The following LRRC4C variants were observed in gnomAD, a reference collection of about 807,000 sequenced individuals.
The protein encoded by LRRC4C is leucine rich repeat containing 4C.
A neutral mutation model predicts 33.6 loss-of-function variants in LRRC4C; 5 were observed. That is an observed-to-expected ratio of 0.15 (90% CI 0.08 to 0.31). The LOEUF is 0.31. LRRC4C is among the 10% of genes least tolerant of loss of function. LRRC4C has a pLI of 1.00. For synonymous variants in LRRC4C, 329 were observed against 302.0 expected (o/e 1.09, Z -0.93); for missense variants, 560 against 796.7 (o/e 0.70, Z 3.58).
At chr11:40,300,393 G>A (rs1282915431) in intron 4 of LRRC4C, among the ~76,000 whole-genome samples, 1 of 152,166 alleles carries the variant, frequency 6.6e-6, no homozygotes, top group Admixed American at 6.5e-5. Context: ...GCAGCCAGAG[G>A]ACAAAGAACA....
intron 2 of LRRC4C, among the ~76,000 whole-genome samples, chr11:40,907,353 T>A (rs993872131): frequency 6.6e-6 from 1 of 152,314 alleles, no homozygotes; most frequent in Non-Finnish European, 1.5e-5. Context: ...GAGGATGCTG[T>A]CAGCATTTTT....
chr11:40,440,208 G>A (rs1228648369), intron 3 of LRRC4C, among the ~76,000 whole-genome samples: 3 of 151,780 alleles, frequency 2.0e-5, no homozygotes, highest in Admixed American at 2.0e-4. Context: ...CTGGCATAGA[G>A]TAGATGCTGA....
At chr11:41,338,892 T>A (rs1280760373) in intron 1 of LRRC4C, among the ~76,000 whole-genome samples, 1 of 152,020 alleles carries the variant, frequency 6.6e-6, no homozygotes, top group Non-Finnish European at 1.5e-5. Flanking sequence ...AGATTCAGAT[T>A]TTTTTCTGTA....
chr11:40,421,108 C>A (rs1263089194), intron 3 of LRRC4C, among the ~76,000 whole-genome samples: 1 of 152,182 alleles, frequency 6.6e-6, no homozygotes, highest in Non-Finnish European at 1.5e-5. Context: ...ATCTCCTTCT[C>A]TCTGATACAT....
chr11:40,878,624 C>T (rs186528283), intron 2 of LRRC4C, among the ~76,000 whole-genome samples: 124 of 152,290 alleles, frequency 8.1e-4, no homozygotes, highest in African/African-American at 2.9e-3. Context: ...TTATTGTTCA[C>T]CTGCCACTCA....
rs558253169 is a variant in LRRC4C at position 40,344,564 on chromosome 11, G to C, written c.-269-24843C>G. On this transcript the variant is annotated intron_variant, in intron 3 of 6. Coordinates refer to ENST00000528697, the MANE Select transcript of LRRC4C (RefSeq NM_001258419.2). ...CAACATCATAATGAATGGGCAAAAA[G>C]TGTAAGCATTTCCCTTAAAAACCAG... Among the ~76,000 whole-genome samples, 20 of 152,090 alleles carry C rather than the reference G, an allele frequency of 1.3e-4. No homozygotes were observed. In the South Asian group the frequency reaches 4.2e-3, roughly 32 times the overall value.
chr11:40,488,119 C>T (rs1050997112), intron 3 of LRRC4C, among the ~76,000 whole-genome samples: 2 of 152,050 alleles, frequency 1.3e-5, no homozygotes, highest in Non-Finnish European at 2.9e-5. Flanking sequence ...TAACACATGA[C>T]CAGGGAGCTG....
intron 2 of LRRC4C, among the ~76,000 whole-genome samples, chr11:40,796,650 T>TA (rs949873130): frequency 5.8e-5 from 8 of 138,376 alleles, no homozygotes; most frequent in African/African-American, 2.2e-4. Context: ...TTTTTTTTTT[T>TA]TTTTTTTTTA....
At chr11:40,871,123 G>T (rs11605195) in intron 2 of LRRC4C, among the ~76,000 whole-genome samples, 7,946 of 152,112 alleles carry the variant, frequency 0.052, 325 homozygotes, top group East Asian at 0.2. Flanking sequence ...TGGTCAGACC[G>T]GTTGTCTGCC....
At chr11:40,637,977 T>C (rs56133126) in intron 3 of LRRC4C, among the ~76,000 whole-genome samples, 2,935 of 152,242 alleles carry the variant, frequency 0.019, 45 homozygotes, top group South Asian at 0.036. Context: ...TCCCCACTTG[T>C]TTCCTCTACT....
intron 1 of LRRC4C, among the ~76,000 whole-genome samples, chr11:41,419,216 G>C (rs1354798564): frequency 2.6e-5 from 4 of 151,850 alleles, no homozygotes; most frequent in African/African-American, 4.8e-5. Flanking sequence ...TACCTTCTAA[G>C]GGACACTGAC....
chr11:40,192,836 G>A (rs1861955843), intron 5 of LRRC4C, among the ~76,000 whole-genome samples: 1 of 152,126 alleles, frequency 6.6e-6, no homozygotes, highest in South Asian at 2.1e-4. Flanking sequence ...AAAGCCACTG[G>A]GAAGTTCGGA....
At chr11:40,666,372 C>G (rs1713553112) in intron 2 of LRRC4C, among the ~76,000 whole-genome samples, 1 of 151,956 alleles carries the variant, frequency 6.6e-6, no homozygotes, top group Admixed American at 6.6e-5. Context: ...TTACTTCTAT[C>G]CTGGTTAACT....
At chr11:40,559,561 A>C (rs1026969554) in intron 3 of LRRC4C, among the ~76,000 whole-genome samples, 2 of 152,152 alleles carry the variant, frequency 1.3e-5, no homozygotes, top group Non-Finnish European at 2.9e-5. Context: ...GTGGGATGGT[A>C]GTTCTGCTTT....
At chr11:40,732,741 A>G (rs1314034237) in intron 2 of LRRC4C, among the ~76,000 whole-genome samples, 1 of 152,190 alleles carries the variant, frequency 6.6e-6, no homozygotes, top group East Asian at 1.9e-4. Context: ...AAAGTTAACA[A>G]TATGAAAGTA....
chr11:40,980,653 T>C (rs1175122137), intron 1 of LRRC4C, among the ~76,000 whole-genome samples: 1 of 152,224 alleles, frequency 6.6e-6, no homozygotes, highest in Non-Finnish European at 1.5e-5. Context: ...TTGCGGGTTA[T>C]GGTTAGTTCC....
At chr11:40,315,585 G>A (rs745680722) in intron 4 of LRRC4C, among the ~76,000 whole-genome samples, 1 of 151,738 alleles carries the variant, frequency 6.6e-6, no homozygotes, top group Admixed American at 6.6e-5. Context: ...ACACTGTATA[G>A]TGTTTCATTA....
intron 1 of LRRC4C, among the ~76,000 whole-genome samples, chr11:40,981,833 A>C (rs2137111270): frequency 6.6e-6 from 1 of 152,364 alleles, no homozygotes; most frequent in South Asian, 2.1e-4. Context: ...ATATCAGCAC[A>C]GATAAGTAAT....
At chr11:40,890,777 TACTTA>T (rs1372256318) in intron 2 of LRRC4C, among the ~76,000 whole-genome samples, 3 of 152,010 alleles carry the variant, frequency 2.0e-5, no homozygotes, top group Admixed American at 2.0e-4. Context: ...TGTCATAACA[TACTTA>T]ATCCCCAAAA....
Sources: gnomAD v4.1 joint callset for allele counts (sites outside exome capture counted in the v4.1 genomes callset) on GRCh38, gnomAD v4.1.1 for gene constraint, MANE v1.5 for transcripts, NCBI Gene and HGNC (gene_info 2026-07-23, HGNC 2026-07-21) for gene names.